PPP2R5A: variants seen among roughly 807,000 people sequenced by gnomAD.
The protein encoded by PPP2R5A is serine/threonine-protein phosphatase 2A 56 kDa regulatory subunit alpha isoform.
In PPP2R5A, 25 loss-of-function variants were observed where a neutral mutation model predicts 64.2. The ratio of observed to expected loss-of-function variants is 0.39; its 90% CI spans 0.28 to 0.54. The LOEUF (loss-of-function observed/expected upper bound fraction) is 0.54. Among genes scored for constraint, PPP2R5A ranks in the 20% least tolerant of loss-of-function variants. The pLI is 0.67. For synonymous variants in PPP2R5A, 198 were observed against 201.2 expected (o/e 0.98, Z 0.13); for missense variants, 425 against 576.3 (o/e 0.74, Z 2.69).
At chr1:212,342,060 A>G (rs1659694774) in intron 3 of PPP2R5A, 128 bp from the exon 4 acceptor site, 4 of 1,350,120 alleles carry the variant, frequency 3.0e-6, no homozygotes, top group Non-Finnish European at 3.9e-6. Context: ...AACTCATTAC[A>G]TTTTATAATG....
At chr1:212,331,411 C>G (rs534923482) in intron 2 of PPP2R5A, 2 of 151,386 alleles carry the variant, frequency 1.3e-5, no homozygotes, top group East Asian at 3.9e-4. Context: ...TCAAGCAGTC[C>G]TCCTGTCTCG....
At chr1:212,287,501 C>T (rs1658525090) in intron 1 of PPP2R5A, among the ~76,000 whole-genome samples, 1 of 152,138 alleles carries the variant, frequency 6.6e-6, no homozygotes, top group African/African-American at 2.4e-5. Flanking sequence ...GCTCCAGAAC[C>T]CTATTGAGAC....
chr1:212,288,537 TGA>T (rs1658546166), intron 1 of PPP2R5A, among the ~76,000 whole-genome samples: 1 of 152,212 alleles, frequency 6.6e-6, no homozygotes, highest in Non-Finnish European at 1.5e-5. Flanking sequence ...CAAATTTAAT[TGA>T]GGAAATAAGA....
intron 1 of PPP2R5A, chr1:212,319,622 T>TC (rs71137741): frequency 0.15 from 21,180 of 138,768 alleles, 1,730 homozygotes; most frequent in Middle Eastern, 0.28. Flanking sequence ...TCTTTTCTTT[T>TC]TTTTTTTTTT....
chr1:212,311,555 C>G (rs1288667548), intron 1 of PPP2R5A, among the ~76,000 whole-genome samples: 1 of 151,680 alleles, frequency 6.6e-6, no homozygotes, highest in Non-Finnish European at 1.5e-5. Context: ...ATTTATTATA[C>G]TATTTTTATC....
chr1:212,321,589 A>G (rs4306194), intron 1 of PPP2R5A, among the ~76,000 whole-genome samples: 117,807 of 142,176 alleles, frequency 0.83, 49,187 homozygotes, highest in African/African-American at 0.94. Context: ...CATCCCAGAC[A>G]GGGTGGCAGG....
chr1:212,316,467 A>G (rs1235404913), intron 1 of PPP2R5A, among the ~76,000 whole-genome samples: 2 of 151,756 alleles, frequency 1.3e-5, no homozygotes, highest in Non-Finnish European at 2.9e-5. Flanking sequence ...TACTTAATTG[A>G]TAGTTGACTA....
intron 4 of PPP2R5A, among the ~76,000 whole-genome samples, chr1:212,344,308 ATTAGAT>A (rs1327925432): frequency 6.6e-6 from 1 of 152,164 alleles, no homozygotes; most frequent in African/African-American, 2.4e-5. Context: ...ATGTGAACTT[ATTAGAT>A]ATATTAACAA....
chr1:212,336,746 G>A (rs570809456), intron 3 of PPP2R5A, among the ~76,000 whole-genome samples: 1 of 152,306 alleles, frequency 6.6e-6, no homozygotes, highest in African/African-American at 2.4e-5. Context: ...ATAGGGAATT[G>A]TAGCACTGAA....
intron 1 of PPP2R5A, among the ~76,000 whole-genome samples, chr1:212,301,312 C>T (rs1658796902): frequency 6.6e-6 from 1 of 152,032 alleles, no homozygotes; most frequent in Admixed American, 6.6e-5. Context: ...ATGCCCAGCC[C>T]AGTTAATTTT....
At chr1:212,309,118 T>G in intron 1 of PPP2R5A, 2 of 996,986 alleles carry the variant, frequency 2.0e-6, no homozygotes, top group East Asian at 4.7e-5. Context: ...ATATGCCTTC[T>G]TCTCTCCATC....
At chr1:212,317,857 G>T (rs1659187739) in intron 1 of PPP2R5A, among the ~76,000 whole-genome samples, 1 of 151,880 alleles carries the variant, frequency 6.6e-6, no homozygotes, top group Non-Finnish European at 1.5e-5. Context: ...GTGGTGGTGG[G>T]CGCCTGTAGT....
At chr1:212,302,725 A>G (rs1658820427) in intron 1 of PPP2R5A, among the ~76,000 whole-genome samples, 1 of 152,198 alleles carries the variant, frequency 6.6e-6, no homozygotes, top group Non-Finnish European at 1.5e-5. Context: ...AAGATATCCC[A>G]TGCCCTTTAA....
chr1:212,352,871 A>G (rs959675149), intron 8 of PPP2R5A: 3 of 519,122 alleles, frequency 5.8e-6, no homozygotes, highest in Admixed American at 1.9e-5. Flanking sequence ...GTCAAAAAGA[A>G]GCCAAGAGTG....
At chr1:212,295,778 G>A (rs414197) in intron 1 of PPP2R5A, among the ~76,000 whole-genome samples, 5,496 of 152,236 alleles carry the variant, frequency 0.036, 354 homozygotes, top group African/African-American at 0.12. Flanking sequence ...AAAAGTTTCC[G>A]TGGGTTAGTC....
At position 212,329,117 on chromosome 1, in the gene PPP2R5A, CT is replaced by C; in HGVS notation, c.182-15del. ...CTGAGTAGGTTATTTCTAAGTTTTTCTTTATTTTTATTTATAGATGCCACTT... is the reference window on the plus strand; with the variant it reads ...CTGAGTAGGTTATTTCTAAGTTTTTCTTATTTTTATTTATAGATGCCACTT... On this transcript the variant is annotated splice_polypyrimidine_tract_variant and intron_variant, in intron 1 of 12. Transcript: ENST00000261461. 6.9e-7 allele frequency: 1 copy of C among 1,452,934 alleles called. No individual in the cohort carries two copies. Among genetic ancestry groups the C allele is most frequent in the Non-Finnish European group, 9.1e-7 (1 of 1,095,990 alleles). 90.0% of individuals were successfully genotyped at this position (1,452,934 alleles called of 1,614,324 possible).
chr1:212,312,987 A>G (rs938516301), intron 1 of PPP2R5A, among the ~76,000 whole-genome samples: 5 of 152,218 alleles, frequency 3.3e-5, no homozygotes, highest in East Asian at 3.8e-4. Context: ...TAAATAGAGA[A>G]AATAGAAAGT....
Position 212,358,820 on chromosome 1 carries a change from T to C in PPP2R5A, c.1328+33T>C, listed in dbSNP as rs773310179. The C allele has an allele frequency of 3.0e-5, 46 of 1,530,632 alleles. 1 individual carries two copies. The Admixed American group carries it at 7.6e-4, about 25-fold the overall frequency. The allele number at this position is 1,530,632 out of a possible 1,614,324, so 94.8% of individuals were successfully genotyped here. A position where few individuals can be genotyped will look rare whatever the true frequency, so the allele number is the denominator to read the frequency against. On this transcript the variant is annotated intron_variant, in intron 12 of 12. Coordinates refer to ENST00000261461, the MANE Select transcript of PPP2R5A (RefSeq NM_006243.4). ...ATATTTTGAATTACAAAATTATCTA[T>C]ACATTTTATGTTAGTTGAATGTGAT...
intron 3 of PPP2R5A, chr1:212,333,868 C>T (rs1325071309): frequency 7.7e-6 from 2 of 261,348 alleles, no homozygotes; most frequent in Non-Finnish European, 1.4e-5. Context: ...CATCACCACT[C>T]TTTAATTCTA....
Sources: gnomAD v4.1 joint callset for allele counts (sites outside exome capture counted in the v4.1 genomes callset) on GRCh38, gnomAD v4.1.1 for gene constraint, MANE v1.5 for transcripts, NCBI Gene and HGNC (gene_info 2026-07-23, HGNC 2026-07-21) for gene names.